RGS7: variants seen among roughly 807,000 people sequenced by gnomAD.
RGS7 encodes the protein regulator of G-protein signaling 7.
In RGS7, 27 loss-of-function variants were observed where a neutral mutation model predicts 81.1. The observed-to-expected ratio is 0.33, with a 90% CI of 0.25 to 0.46. RGS7 has a LOEUF of 0.46. RGS7 is among the 20% of genes least tolerant of loss of function. The pLI is 1.00. For missense variants in RGS7, 396 were observed against 607.4 expected, an observed-to-expected ratio of 0.65 and a Z score of 3.66; for synonymous variants, 208 against 207.7, an observed-to-expected ratio of 1.00 and a Z score of -0.01.
chr1:241,251,654 C>T (rs371959565), intron 2 of RGS7, among the ~76,000 whole-genome samples: 2 of 151,866 alleles, frequency 1.3e-5, no homozygotes, highest in East Asian at 2.0e-4. Flanking sequence ...GGATTACAAG[C>T]GCTTGCCACC....
At chr1:240,965,873 G>A (rs1202117660) in intron 4 of RGS7, among the ~76,000 whole-genome samples, 3 of 152,062 alleles carry the variant, frequency 2.0e-5, no homozygotes, top group African/African-American at 7.2e-5. Context: ...TTAGTAAATC[G>A]GGCACATTCA....
At chr1:241,021,736 G>A (rs955550432) in intron 3 of RGS7, among the ~76,000 whole-genome samples, 3 of 151,998 alleles carry the variant, frequency 2.0e-5, no homozygotes, top group Middle Eastern at 3.2e-3. Context: ...ATTCCTAATG[G>A]GTATGGTAAT....
chr1:240,830,347 G>A (rs1461765654), intron 9 of RGS7, among the ~76,000 whole-genome samples: 1 of 152,210 alleles, frequency 6.6e-6, no homozygotes, highest in Non-Finnish European at 1.5e-5. Context: ...ACAAACTTCA[G>A]CAGTGAGTTC....
At chr1:240,954,954 A>G (rs991494727) in intron 4 of RGS7, among the ~76,000 whole-genome samples, 1 of 152,208 alleles carries the variant, frequency 6.6e-6, no homozygotes, top group African/African-American at 2.4e-5. Flanking sequence ...TTTACCAAAA[A>G]TCAACAATTG....
intron 3 of RGS7, among the ~76,000 whole-genome samples, chr1:241,096,455 T>G (rs1435892347): frequency 6.6e-6 from 1 of 152,132 alleles, no homozygotes; most frequent in South Asian, 2.1e-4. Context: ...AAGCATCTAA[T>G]TGAACCTACG....
At chr1:240,965,722 T>C (rs1394907120) in intron 4 of RGS7, among the ~76,000 whole-genome samples, 4 of 152,154 alleles carry the variant, frequency 2.6e-5, no homozygotes, top group African/African-American at 9.7e-5. Flanking sequence ...ATGACATGAT[T>C]CCCAGTGACA....
At chr1:240,959,614 C>T (rs562426026) in intron 4 of RGS7, among the ~76,000 whole-genome samples, 4 of 152,106 alleles carry the variant, frequency 2.6e-5, no homozygotes, top group Admixed American at 1.3e-4. Context: ...CTGACCGAAA[C>T]GTTGTTATGG....
intron 3 of RGS7, among the ~76,000 whole-genome samples, chr1:241,025,725 G>A (rs557467482): frequency 2.0e-5 from 3 of 151,488 alleles, no homozygotes; most frequent in Admixed American, 1.3e-4. Context: ...GGATATTACA[G>A]TTCATAAGAA....
intron 2 of RGS7, among the ~76,000 whole-genome samples, chr1:241,218,000 A>G (rs953886355): frequency 6.6e-6 from 1 of 152,186 alleles, no homozygotes; most frequent in Non-Finnish European, 1.5e-5. Context: ...TGAGAATCAA[A>G]TATCTGGTGA....
At chr1:241,278,765 C>T (rs865788796) in intron 2 of RGS7, among the ~76,000 whole-genome samples, 45 of 152,192 alleles carry the variant, frequency 3.0e-4, no homozygotes, top group African/African-American at 9.4e-4. Flanking sequence ...CGAACTGCCA[C>T]GTGGCGCATC....
intron 15 of RGS7, among the ~76,000 whole-genome samples, chr1:240,804,998 A>G (rs904549297): frequency 6.6e-6 from 1 of 152,206 alleles, no homozygotes; most frequent in Non-Finnish European, 1.5e-5. Flanking sequence ...TTTAAAAGGT[A>G]CTTTTTAGAA....
rs60742879 is a variant in RGS7, at chr1:241,078,485, A to ATGTGTGTGTGTG, written c.175+20169_175+20180dup. Reference sequence around the variant, plus strand: ...CATAATGCACACACACACGTAAGTTATGTGTGTGTGTGTGTGTATATACAC... The same window carrying ATGTGTGTGTGTG: ...CATAATGCACACACACACGTAAGTTATGTGTGTGTGTGTGTGTGTGTGTGTGTGTATATACAC... On this transcript the variant is annotated intron_variant, in intron 3 of 18. Transcript: ENST00000440928. 7.0e-3 allele frequency among the ~76,000 whole-genome samples: 1,012 copies of ATGTGTGTGTGTG among 143,594 alleles called. 13 individuals are homozygous for ATGTGTGTGTGTG. The highest frequency in any genetic ancestry group is 0.024 in the African/African-American group (949 of 38,774). The allele number at this position is 143,594 out of a possible 152,430, so 94.2% of individuals were successfully genotyped here.
intron 2 of RGS7, among the ~76,000 whole-genome samples, chr1:241,138,177 C>CAAAAAAAAAAA (rs57697166): frequency 1.7e-5 from 2 of 115,408 alleles, no homozygotes; most frequent in African/African-American, 3.0e-5. Context: ...ATCTCAAAAA[C>CAAAAAAAAAAA]AAAAAAAAAA....
chr1:241,111,627 A>C (rs866858011), intron 2 of RGS7, among the ~76,000 whole-genome samples: 1 of 152,086 alleles, frequency 6.6e-6, no homozygotes, highest in Non-Finnish European at 1.5e-5. Context: ...GTAAAAAAAA[A>C]AATGAAAAGA....
chr1:240,855,440 T>C (rs981647331), intron 9 of RGS7, among the ~76,000 whole-genome samples: 2 of 145,838 alleles, frequency 1.4e-5, no homozygotes, highest in Non-Finnish European at 3.0e-5. Context: ...TGTTTCTTCC[T>C]TTTTTTTTGA....
intron 6 of RGS7, among the ~76,000 whole-genome samples, chr1:240,920,866 G>T (rs1673408015): frequency 6.6e-6 from 1 of 151,934 alleles, no homozygotes; most frequent in Admixed American, 6.6e-5. Context: ...CCAACAAAGG[G>T]TCTTAATGTA....
chr1:240,807,773 G>A (rs998035077), intron 14 of RGS7, among the ~76,000 whole-genome samples: 2 of 152,086 alleles, frequency 1.3e-5, no homozygotes, highest in Non-Finnish European at 2.9e-5. Context: ...GGTGGCTCAC[G>A]TCTGTAATCC....
chr1:241,093,116 A>G (rs2063999075), intron 3 of RGS7, among the ~76,000 whole-genome samples: 1 of 152,210 alleles, frequency 6.6e-6, no homozygotes, highest in Admixed American at 6.5e-5. Context: ...AACTTAGAGA[A>G]CATGAAGGAA....
At chr1:241,228,193 TCAGGTGAGCC>T (rs1162330884) in intron 2 of RGS7, among the ~76,000 whole-genome samples, 2 of 152,164 alleles carry the variant, frequency 1.3e-5, no homozygotes, top group African/African-American at 4.8e-5. Context: ...CAATAGAGTA[TCAGGTGAGCC>T]CAGCGTTCTG....
Sources: gnomAD v4.1 joint callset for allele counts (sites outside exome capture counted in the v4.1 genomes callset) on GRCh38, gnomAD v4.1.1 for gene constraint, MANE v1.5 for transcripts, NCBI Gene and HGNC (gene_info 2026-07-23, HGNC 2026-07-21) for gene names.